NIPAL2: variants seen among roughly 807,000 people sequenced by gnomAD.
NIPAL2 encodes NIPA like domain containing 2, also known as NIPA-like protein 2.
NIPAL2 carries 43 observed loss-of-function variants against 48.9 expected under a neutral mutation model. The observed-to-expected ratio is 0.88, with a 90% CI of 0.69 to 1.13. The LOEUF is 1.13. Ranked by LOEUF, NIPAL2 falls within the 50% of genes most tolerant of loss-of-function variation. The pLI is 0.00. For synonymous variants in NIPAL2, 167 were observed against 174.6 expected (o/e 0.96, Z 0.34); for missense variants, 446 against 461.4 (o/e 0.97, Z 0.31).
chr8:98,284,771 T>G (rs1816061360), intron 1 of NIPAL2, among the ~76,000 whole-genome samples: 1 of 152,154 alleles, frequency 6.6e-6, no homozygotes, highest in Non-Finnish European at 1.5e-5. Context: ...AATGCTAACA[T>G]GACCCCTAGG....
chr8:98,249,459 A>G (rs1196354538), intron 3 of NIPAL2, among the ~76,000 whole-genome samples: 2 of 151,912 alleles, frequency 1.3e-5, no homozygotes, highest in African/African-American at 4.8e-5. Flanking sequence ...AGTCCTATAT[A>G]TGACTAGTAT....
chr8:98,208,944 G>T (rs528305324), intron 6 of NIPAL2, among the ~76,000 whole-genome samples: 2 of 151,816 alleles, frequency 1.3e-5, no homozygotes, highest in African/African-American at 2.4e-5. Context: ...TTTTTAAAAC[G>T]TACTAATGCT....
intron 3 of NIPAL2, among the ~76,000 whole-genome samples, chr8:98,241,172 C>A (rs1812962144): frequency 6.6e-6 from 1 of 152,172 alleles, no homozygotes; most frequent in Admixed American, 6.5e-5. Context: ...TTTGACACAG[C>A]ATCTTTTCTT....
chr8:98,290,538 G>A (rs1163573895), intron 1 of NIPAL2, among the ~76,000 whole-genome samples: 2 of 152,122 alleles, frequency 1.3e-5, no homozygotes, highest in East Asian at 3.9e-4. Context: ...TAGCATGAGG[G>A]AAGCTGGAGA....
At chr8:98,280,792 A>AGAGAGAGAGAGAG (rs1815783724) in intron 1 of NIPAL2, among the ~76,000 whole-genome samples, 12 of 139,466 alleles carry the variant, frequency 8.6e-5, no homozygotes, top group Admixed American at 2.2e-4. Flanking sequence ...AGAGAGAGAG[A>AGAGAGAGAGAGAG]AAGCGAGAGA....
intron 1 of NIPAL2, among the ~76,000 whole-genome samples, chr8:98,275,647 T>C (rs542715841): frequency 6.6e-6 from 1 of 152,298 alleles, no homozygotes; most frequent in Admixed American, 6.5e-5. Context: ...GTGTGGTAAG[T>C]CCATTTTTAG....
chr8:98,282,211 A>C (rs1815874376), intron 1 of NIPAL2, among the ~76,000 whole-genome samples: 1 of 152,160 alleles, frequency 6.6e-6, no homozygotes, highest in African/African-American at 2.4e-5. Context: ...TGCAGCAAAC[A>C]AGGGGCCCTG....
intron 1 of NIPAL2, among the ~76,000 whole-genome samples, chr8:98,288,858 G>T (rs1292975923): frequency 6.6e-6 from 1 of 152,096 alleles, no homozygotes; most frequent in Non-Finnish European, 1.5e-5. Context: ...AATAGAAATT[G>T]GGTCCCCACA....
In NIPAL2 at chr8:98,235,260, T is replaced by C. The variant is rs142465519; in HGVS notation, c.436+895A>G. On this transcript the variant is annotated intron_variant, in intron 4 of 10. Coordinates refer to ENST00000430223, the MANE Select transcript of NIPAL2 (RefSeq NM_001321635.2). ...TATGTCAGCAGCAATTCAAACAGGA[T>C]TTTGTCACGGAAGAAAATATGAATC... is the stretch of plus-strand genomic sequence containing the variant. Among the ~76,000 whole-genome samples the C allele has an allele frequency of 3.8e-3, 580 of 152,242 alleles. 3 individuals are homozygous for C. The highest frequency in any genetic ancestry group is 0.012 in the African/African-American group (510 of 41,534).
chr8:98,212,280 A>G (rs1251669475), intron 6 of NIPAL2, 125 bp downstream of exon 6: 2 of 487,136 alleles, frequency 4.1e-6, no homozygotes, highest in South Asian at 4.7e-5. Context: ...GTTTCTTCCT[A>G]TAGATCAGAG....
At chr8:98,283,084 CT>C (rs1285507008) in intron 1 of NIPAL2, among the ~76,000 whole-genome samples, 2 of 152,288 alleles carry the variant, frequency 1.3e-5, no homozygotes, top group East Asian at 3.9e-4. Context: ...TTTAATCAAC[CT>C]TAAAGCCTAG....
chr8:98,280,761 T>TATATATATATATATAGAGAGAGAGAG lies in NIPAL2; in HGVS notation c.135+13241_135+13242insCTCTCTCTCTCTATATATATATATAT. Among the ~76,000 whole-genome samples the TATATATATATATATAGAGAGAGAGAG allele has an allele frequency of 1.7e-3, 52 of 30,002 alleles. 1 individual carries two copies. The highest frequency in any genetic ancestry group is 2.5e-3 in the African/African-American group (22 of 8,780). 19.7% of individuals were successfully genotyped at this position (30,002 alleles called of 152,430 possible). On this transcript the variant is annotated intron_variant, in intron 1 of 10. Transcript: ENST00000430223. The stretch of plus-strand genomic sequence containing the variant: ...CTATATATATATATATATATATATA[T>TATATATATATATATAGAGAGAGAGAG]AGAGAGAGAGAGAGAGAGAGAGAGA...
chr8:98,204,716 G>C (rs1280991742), intron 7 of NIPAL2, among the ~76,000 whole-genome samples: 1 of 152,000 alleles, frequency 6.6e-6, no homozygotes, highest in Non-Finnish European at 1.5e-5. Flanking sequence ...TAGTGAGCAT[G>C]AGCTAAGAAA....
chr8:98,264,666 G>A (rs1415104911), intron 1 of NIPAL2, among the ~76,000 whole-genome samples: 8 of 150,314 alleles, frequency 5.3e-5, no homozygotes. Flanking sequence ...CCATGCTCAT[G>A]GGTAGGAAGA....
chr8:98,198,623 G>A (rs1810665238), intron 8 of NIPAL2, among the ~76,000 whole-genome samples: 1 of 152,254 alleles, frequency 6.6e-6, no homozygotes, highest in South Asian at 2.1e-4. Context: ...ACAACTTGCT[G>A]CAGCTTTTAC....
At chr8:98,265,521 A>C (rs1447802510) in intron 1 of NIPAL2, among the ~76,000 whole-genome samples, 2 of 123,154 alleles carry the variant, frequency 1.6e-5, no homozygotes, top group East Asian at 4.4e-4. Flanking sequence ...GCCAAAAAAC[A>C]CATGAAAAAA....
At chr8:98,278,673 G>A (rs754925815) in intron 1 of NIPAL2, among the ~76,000 whole-genome samples, 1 of 152,152 alleles carries the variant, frequency 6.6e-6, no homozygotes, top group African/African-American at 2.4e-5. Context: ...GCAGAGCTGT[G>A]ACTTACACAC....
intron 1 of NIPAL2, among the ~76,000 whole-genome samples, chr8:98,260,302 C>T (rs1471824288): frequency 3.3e-5 from 5 of 152,172 alleles, no homozygotes; most frequent in Non-Finnish European, 5.9e-5. Context: ...GGAACAGCTC[C>T]GGTCTACAGC....
chr8:98,292,064 G>A (rs1185270910), intron 1 of NIPAL2, among the ~76,000 whole-genome samples: 3 of 152,222 alleles, frequency 2.0e-5, no homozygotes, highest in African/African-American at 7.2e-5. Flanking sequence ...AACACACACT[G>A]TGCAAATATT....
Sources: allele counts gnomAD v4.1 joint callset (sites outside exome capture counted in the v4.1 genomes callset), GRCh38; gene constraint gnomAD v4.1.1; transcripts MANE v1.5; gene names NCBI Gene and HGNC (gene_info 2026-07-23, HGNC 2026-07-21).